FARS2: variants seen among roughly 807,000 people sequenced by gnomAD.
FARS2 encodes phenylalanyl-tRNA synthetase 2, mitochondrial.
Under a neutral mutation model 46.4 loss-of-function variants are expected in FARS2, and 40 were observed. That is an observed-to-expected ratio of 0.86 (90% CI 0.67 to 1.12). The LOEUF is 1.12. Among genes scored for constraint, FARS2 ranks in the 50% most tolerant of loss-of-function variants. The pLI is 0.00. For missense variants in FARS2, 513 were observed against 567.9 expected (o/e 0.90, Z 0.98); for synonymous variants, 234 against 214.9 (o/e 1.09, Z -0.78).
chr6:5,278,622 C>T (rs571476100), intron 1 of FARS2, among the ~76,000 whole-genome samples: 114 of 152,210 alleles, frequency 7.5e-4, no homozygotes, highest in Middle Eastern at 6.8e-3. Flanking sequence ...AACTATTCAA[C>T]CTCACTAGGT....
At chr6:5,647,537 G>A (rs73362204) in intron 6 of FARS2, among the ~76,000 whole-genome samples, 3,301 of 152,312 alleles carry the variant, frequency 0.022, 100 homozygotes, top group African/African-American at 0.071. Context: ...AAAAAGTTTT[G>A]ACAACTGATT....
intron 4 of FARS2, among the ~76,000 whole-genome samples, chr6:5,467,836 T>C (rs916360042): frequency 6.6e-6 from 1 of 152,236 alleles, no homozygotes; most frequent in African/African-American, 2.4e-5. Context: ...ATTCTAGATA[T>C]ACATTTTGAT....
intron 5 of FARS2, among the ~76,000 whole-genome samples, chr6:5,570,901 A>G (rs1425479578): frequency 1.3e-5 from 2 of 152,224 alleles, no homozygotes; most frequent in Non-Finnish European, 2.9e-5. Flanking sequence ...TTGTGGAAGA[A>G]TCACTGAGCC....
chr6:5,588,217 CA>C (rs1773722634), intron 5 of FARS2, among the ~76,000 whole-genome samples: 1 of 150,414 alleles, frequency 6.6e-6, no homozygotes, highest in South Asian at 2.1e-4. Context: ...GCAGGGGATG[CA>C]AACATGTTAA....
At chr6:5,584,541 C>T (rs1773512938) in intron 5 of FARS2, among the ~76,000 whole-genome samples, 2 of 152,184 alleles carry the variant, frequency 1.3e-5, no homozygotes, top group Non-Finnish European at 1.5e-5. Context: ...CTTTTTCTCT[C>T]CCCTCTTCCC....
At chr6:5,339,849 T>G (rs1440895951) in intron 1 of FARS2, among the ~76,000 whole-genome samples, 1 of 152,172 alleles carries the variant, frequency 6.6e-6, no homozygotes, top group Non-Finnish European at 1.5e-5. Flanking sequence ...TTACATTCCT[T>G]TCAGGGCAAG....
chr6:5,260,598 T>TGCCCGGG, upstream of FARS2: 7 of 1,105,564 alleles, frequency 6.3e-6, no homozygotes, highest in Non-Finnish European at 9.1e-6. Context: ...GCACCCCCGG[T>TGCCCGGG]CCCCGGCCCC....
chr6:5,765,142 C>G lies in FARS2; in HGVS notation c.1218-6149C>G, dbSNP rs992818423. ...GAGGCGGCATTGAAATATGCCATCC[C>G]CTCCCTGCTGTTGCATTCTGCCGTC... is the stretch of plus-strand genomic sequence containing the variant. On this transcript the variant is annotated intron_variant, in intron 6 of 6. Coordinates refer to ENST00000274680, the MANE Select transcript of FARS2 (RefSeq NM_006567.5). The surrounding 1 kb of genome is among the most constrained non-coding windows in gnomAD (Gnocchi z 4.0). Among the ~76,000 whole-genome samples the G allele has an allele frequency of 6.6e-6, 1 of 152,232 alleles. No homozygotes were observed. The highest frequency in any genetic ancestry group is 1.5e-5 in the Non-Finnish European group (1 of 68,042).
In FARS2 at chr6:5,613,334, T is replaced by G; in HGVS notation, c.1217+14T>G. On this transcript the variant is annotated intron_variant, in intron 6 of 6. Transcript: ENST00000274680. ...TGTACATCCAAAGTAAGTGAAAAGC[T>G]TTCTGATTTTACCCTTGACTATCTC... is the stretch of plus-strand genomic sequence containing the variant. 1 of 1,607,978 alleles carries G rather than the reference T, an allele frequency of 6.2e-7. No individual in the cohort carries two copies. Among genetic ancestry groups the G allele is most frequent in the East Asian group, 2.2e-5 (1 of 44,692 alleles).
chr6:5,628,337 C>T (rs1037136096), intron 6 of FARS2, among the ~76,000 whole-genome samples: 7 of 152,224 alleles, frequency 4.6e-5, no homozygotes, highest in African/African-American at 1.7e-4. Context: ...AACTTCAGGT[C>T]TCTTGAAGGT....
intron 6 of FARS2, among the ~76,000 whole-genome samples, chr6:5,688,994 T>C (rs936099713): frequency 1.3e-5 from 2 of 152,184 alleles, no homozygotes; most frequent in African/African-American, 4.8e-5. Context: ...TGCATAGAGG[T>C]GTTTATAGTA....
At chr6:5,431,910 G>T in intron 4 of FARS2, 2 of 197,038 alleles carry the variant, frequency 1.0e-5, no homozygotes, top group South Asian at 8.2e-5. Flanking sequence ...ATCTGAATTG[G>T]GTATTTTTTT....
chr6:5,769,159 G>A (rs1430074311), intron 6 of FARS2, among the ~76,000 whole-genome samples: 2 of 152,158 alleles, frequency 1.3e-5, no homozygotes, highest in Non-Finnish European at 2.9e-5. Flanking sequence ...TGTGTGTGTG[G>A]TGTGAGGTAG....
intron 6 of FARS2, among the ~76,000 whole-genome samples, chr6:5,618,096 C>T (rs1482114258): frequency 6.6e-6 from 1 of 152,132 alleles, no homozygotes; most frequent in Non-Finnish European, 1.5e-5. Context: ...AACAAAGGAG[C>T]CTGGTTGTGT....
At chr6:5,746,159 G>A (rs866895929) in intron 6 of FARS2, among the ~76,000 whole-genome samples, 3 of 152,008 alleles carry the variant, frequency 2.0e-5, no homozygotes, top group Non-Finnish European at 2.9e-5. Context: ...CCAGGCGGCC[G>A]GCAGATAATT....
chr6:5,272,245 TTGAG>T (rs1195848177), intron 1 of FARS2, among the ~76,000 whole-genome samples: 1 of 152,228 alleles, frequency 6.6e-6, no homozygotes, highest in African/African-American at 2.4e-5. Context: ...ATGAGGTACT[TTGAG>T]AGAGAGAAGA....
rs147515993 is a variant in FARS2, at chr6:5,630,829, A to C, written c.1217+17509A>C. ...CAAGTAAAGCCGGTGTGTCTAACTTAAGAAAGAATGTGGCATGCAAATTAA... is the reference window on the plus strand; with the variant it reads ...CAAGTAAAGCCGGTGTGTCTAACTTCAGAAAGAATGTGGCATGCAAATTAA... On this transcript the variant is annotated intron_variant, in intron 6 of 6. Coordinates refer to ENST00000274680, the MANE Select transcript of FARS2 (RefSeq NM_006567.5). This position sits in a 1 kb window ranked among gnomAD's most constrained non-coding sequence, Gnocchi z 4.2. Among the ~76,000 whole-genome samples, 76 of 152,336 alleles carry C rather than the reference A, an allele frequency of 5.0e-4. 1 individual carries two copies. In the South Asian group the frequency reaches 5.4e-3, roughly 11 times the overall value.
intron 4 of FARS2, among the ~76,000 whole-genome samples, chr6:5,433,687 C>A (rs893501098): frequency 6.6e-6 from 1 of 152,290 alleles, no homozygotes; most frequent in East Asian, 1.9e-4. Context: ...CTTCAAATAC[C>A]TCTGTGATGA....
intron 6 of FARS2, among the ~76,000 whole-genome samples, chr6:5,749,745 G>A (rs1284811321): frequency 6.6e-6 from 1 of 152,200 alleles, no homozygotes; most frequent in Non-Finnish European, 1.5e-5. Flanking sequence ...TGTAACCTAG[G>A]TGCAGTCATT....
Sources: allele counts gnomAD v4.1 joint callset (sites outside exome capture counted in the v4.1 genomes callset), GRCh38; gene constraint gnomAD v4.1.1; non-coding constraint Gnocchi (gnomAD v3.1); transcripts MANE v1.5; gene names NCBI Gene and HGNC (gene_info 2026-07-23, HGNC 2026-07-21).